Variants in HACL1 observed in about 807,000 individuals in gnomAD.
HACL1 encodes the protein 2-hydroxyacyl-CoA lyase 1.
HACL1 carries 64 observed loss-of-function variants against 74.2 expected under a neutral mutation model. The ratio of observed to expected loss-of-function variants is 0.86; its 90% CI spans 0.70 to 1.06. The LOEUF is 1.06. Among genes scored for constraint, HACL1 ranks in the 50% least tolerant of loss-of-function variants. The pLI is 0.00. For missense variants in HACL1, 728 were observed against 719.7 expected (o/e 1.01, Z -0.13); for synonymous variants, 230 against 238.8 (o/e 0.96, Z 0.34).
chr3:15,577,620 G>A (rs1478315002), intron 9 of HACL1, among the ~76,000 whole-genome samples: 2 of 151,950 alleles, frequency 1.3e-5, no homozygotes, highest in Non-Finnish European at 2.9e-5. Context: ...GTGAAACCTC[G>A]TTTCTACAAA....
At chr3:15,593,796 C>CTTT (rs1322426326) in intron 3 of HACL1, among the ~76,000 whole-genome samples, 15 of 111,354 alleles carry the variant, frequency 1.3e-4, no homozygotes, top group East Asian at 2.7e-4. Context: ...TTTTTTTTGT[C>CTTT]TTTTTTTTTT....
At chr3:15,561,503 G>A (rs2063346509) in intron 16 of HACL1, among the ~76,000 whole-genome samples, 1 of 152,220 alleles carries the variant, frequency 6.6e-6, no homozygotes, top group Non-Finnish European at 1.5e-5. Context: ...TCATAGAATT[G>A]TAAAAGAGGA....
At chr3:15,573,726 T>C (rs1307569656) in intron 10 of HACL1, among the ~76,000 whole-genome samples, 1 of 152,214 alleles carries the variant, frequency 6.6e-6, no homozygotes, top group Non-Finnish European at 1.5e-5. Flanking sequence ...TCTAACAGGT[T>C]TCGCAGGTGG....
chr3:15,599,268 G>A (rs1344436497), intron 2 of HACL1, among the ~76,000 whole-genome samples: 1 of 152,184 alleles, frequency 6.6e-6, no homozygotes, highest in Non-Finnish European at 1.5e-5. Flanking sequence ...CAGCACATGG[G>A]ACCTAAAGAA....
chr3:15,584,425 T>C (rs1487473271), intron 7 of HACL1, among the ~76,000 whole-genome samples: 1 of 152,028 alleles, frequency 6.6e-6, no homozygotes, highest in Non-Finnish European at 1.5e-5. Flanking sequence ...CTGTCTCTAC[T>C]AAAAATACAA....
At chr3:15,563,662 C>A in intron 15 of HACL1, 118 bp from the exon 16 acceptor site, 1 of 629,564 alleles carries the variant, frequency 1.6e-6, no homozygotes, top group East Asian at 2.7e-5. Context: ...ATACTTTTAT[C>A]TTCAACACTT....
At chr3:15,565,451 C>T (rs1348268545) in intron 14 of HACL1, among the ~76,000 whole-genome samples, 2 of 152,204 alleles carry the variant, frequency 1.3e-5, no homozygotes, top group East Asian at 3.8e-4. Context: ...CTACCACACA[C>T]ATAATCAGAA....
At chr3:15,575,770 G>A (rs1574919914) in intron 9 of HACL1, among the ~76,000 whole-genome samples, 2 of 152,008 alleles carry the variant, frequency 1.3e-5, no homozygotes, top group East Asian at 3.9e-4. Context: ...CGAACTCCTG[G>A]TTTCAAGTGA....
intron 4 of HACL1, among the ~76,000 whole-genome samples, chr3:15,590,781 G>A (rs568799049): frequency 5.9e-5 from 9 of 152,284 alleles, no homozygotes; most frequent in African/African-American, 1.4e-4. Flanking sequence ...ACTCTAAAAT[G>A]TTAAAAGTGT....
intron 7 of HACL1, among the ~76,000 whole-genome samples, chr3:15,584,849 T>C (rs909683779): frequency 6.6e-6 from 1 of 152,208 alleles, no homozygotes; most frequent in Non-Finnish European, 1.5e-5. Flanking sequence ...TACTGGAATA[T>C]TTGTTAACCA....
Position 15,582,919 on chromosome 3 carries a change from C to T in HACL1, c.625G>A (p.Val209Ile). 1 of 1,611,292 alleles carries T rather than the reference C, an allele frequency of 6.2e-7. No individual in the cohort carries two copies. The highest frequency in any genetic ancestry group is 8.5e-7 in the Non-Finnish European group (1 of 1,177,636). Residue 209 changes from valine to isoleucine, a missense_variant, in exon 8 of 17, where the codon GTT becomes ATT. Transcript: ENST00000321169. ...AGGGGTTGTTTGGCATTCCTAATAACAGAAGCCGCCGTGCACACAGCAGAG... is the reference window on the plus strand; with the variant it reads ...AGGGGTTGTTTGGCATTCCTAATAATAGAAGCCGCCGTGCACACAGCAGAG... ...ETSAVCTAAS[V>I]IRNAKQPLLI... is the part of the protein sequence containing the mutation.
At chr3:15,594,362 T>C (rs1304358067) in intron 3 of HACL1, among the ~76,000 whole-genome samples, 1 of 152,052 alleles carries the variant, frequency 6.6e-6, no homozygotes, top group Non-Finnish European at 1.5e-5. Context: ...GCCGAGATGG[T>C]GCCACTGCAC....
chr3:15,591,624 A>G lies in HACL1; in HGVS notation c.284T>C (p.Met95Thr). 1 of 1,609,248 alleles carries G rather than the reference A, an allele frequency of 6.2e-7. No individual in the cohort carries two copies. The highest frequency in any genetic ancestry group is 8.5e-7 in the Non-Finnish European group (1 of 1,175,766). ...CCAGCAGTTCATGTTTGCATTTGCC[A>G]TACCGCCCAAGGCATGGATGAGACC... Reference protein sequence around the residue: ...GPGLIHALGGMANANMNCWPL... With the variant: ...GPGLIHALGGTANANMNCWPL... The change falls in exon 4 of 17, where the codon ATG becomes ACG. Residue 95 changes from methionine (M) to threonine (T), a missense_variant. By Grantham distance (81) the Met-to-Thr change is moderately conservative. Coordinates refer to ENST00000321169, the MANE Select transcript of HACL1 (RefSeq NM_012260.4).
intron 3 of HACL1, among the ~76,000 whole-genome samples, chr3:15,591,948 CACACACTATATACATAGTGTATATATAT>C (rs1170568944): frequency 6.7e-6 from 1 of 148,558 alleles, no homozygotes; most frequent in African/African-American, 2.5e-5. Flanking sequence ...TGTATATATA[CACACACTATATACATAGTGTATATATAT>C]ACACACTATA....
At chr3:15,589,707 T>C in intron 4 of HACL1, 95 bp from the exon 5 acceptor site, 1 of 805,022 alleles carries the variant, frequency 1.2e-6, no homozygotes, top group South Asian at 1.6e-5. Flanking sequence ...TAATAAATGT[T>C]AAAGGGAGAG....
intron 13 of HACL1, 102 bp from the exon 14 acceptor site, chr3:15,568,104 G>T (rs967674513): frequency 2.1e-6 from 2 of 941,396 alleles, no homozygotes; most frequent in Admixed American, 4.6e-5. Flanking sequence ...ATGGAAAAAT[G>T]AAGAACCATA....
chr3:15,599,842 A>G (rs1258811297), intron 2 of HACL1, among the ~76,000 whole-genome samples: 4 of 152,256 alleles, frequency 2.6e-5, no homozygotes, highest in Non-Finnish European at 4.4e-5. Flanking sequence ...CTTAGTATAC[A>G]GTACTTAGTC....
chr3:15,596,684 A>G (rs1391675452), intron 2 of HACL1, among the ~76,000 whole-genome samples: 1 of 152,216 alleles, frequency 6.6e-6, no homozygotes, highest in Non-Finnish European at 1.5e-5. Flanking sequence ...ATCAATAGGA[A>G]TGTCCTCTTT....
In HACL1 at chr3:15,586,613, A is replaced by G; in HGVS notation, c.382-11T>C. ...TCTACAAGCTTCAACCTACATGGAA[A>G]ATGAAAATCACTTAAAATTCAGCTC... On this transcript the variant is annotated splice_polypyrimidine_tract_variant and intron_variant, in intron 5 of 16. Coordinates refer to ENST00000321169, the MANE Select transcript of HACL1 (RefSeq NM_012260.4). 2 of 1,490,520 alleles carry G rather than the reference A, an allele frequency of 1.3e-6. No homozygotes were observed. Among genetic ancestry groups the G allele is most frequent in the Non-Finnish European group, 1.9e-6 (2 of 1,071,372 alleles). 92.3% of individuals were successfully genotyped at this position (1,490,520 alleles called of 1,614,324 possible). A position where few individuals can be genotyped will look rare whatever the true frequency, so the allele number is the denominator to read the frequency against.
Sources: allele counts gnomAD v4.1 joint callset (sites outside exome capture counted in the v4.1 genomes callset), GRCh38; gene constraint gnomAD v4.1.1; transcripts MANE v1.5; gene names NCBI Gene and HGNC (gene_info 2026-07-23, HGNC 2026-07-21).